RGS6: variants seen among roughly 807,000 people sequenced by gnomAD.
RGS6 encodes regulator of G protein signaling 6.
A neutral mutation model predicts 78.5 loss-of-function variants in RGS6; 30 were observed. The ratio of observed to expected loss-of-function variants is 0.38; its 90% CI spans 0.29 to 0.52. RGS6 has a LOEUF of 0.52. Ranked by LOEUF, RGS6 falls within the 20% of genes least tolerant of loss-of-function variation. The pLI, the probability that RGS6 is intolerant of heterozygous loss-of-function variation, is 0.85. For synonymous variants in RGS6, 206 were observed against 206.0 expected, an observed-to-expected ratio of 1.00 and a Z score of 0.00; for missense variants, 495 against 609.7, an observed-to-expected ratio of 0.81 and a Z score of 1.98.
chr14:72,198,008 T>A lies in RGS6; in HGVS notation c.85-154087T>A, dbSNP rs550586342. On this transcript the variant is annotated intron_variant, in intron 2 of 17. Coordinates refer to ENST00000553525, the MANE Select transcript of RGS6 (RefSeq NM_001204424.2). ...TTAATTGCTTCCTGACTTATCTCAGTCCTCTTCAGTATAATTTAGTCTCCA... is the reference window on the plus strand; with the variant it reads ...TTAATTGCTTCCTGACTTATCTCAGACCTCTTCAGTATAATTTAGTCTCCA... Among the ~76,000 whole-genome samples, 184 of 152,326 alleles carry A rather than the reference T, an allele frequency of 1.2e-3. 1 individual carries two copies. The highest frequency in any genetic ancestry group is 4.1e-3 in the African/African-American group (172 of 41,574).
rs189067763 is a variant in RGS6, at chr14:72,241,046, A to G, written c.85-111049A>G. Among the ~76,000 whole-genome samples the G allele has an allele frequency of 3.6e-3, 551 of 151,480 alleles. 2 individuals carry two copies. Among genetic ancestry groups the G allele is most frequent in the African/African-American group, 0.013 (526 of 41,244 alleles). On this transcript the variant is annotated intron_variant, in intron 2 of 17. Transcript: ENST00000553525. ...GTGGCATGCACCTGTAATCCCAGAT[A>G]CTCGGGAGACTGAGGCAGGAGAATT...
intron 2 of RGS6, among the ~76,000 whole-genome samples, chr14:72,303,733 TTG>T (rs574660386): frequency 2.0e-5 from 3 of 152,314 alleles, no homozygotes; most frequent in South Asian, 4.1e-4. Flanking sequence ...TTGTTTTGTG[TTG>T]TGTGTTTCAG....
In RGS6 at chr14:72,465,622, G is replaced by GTGGA. The variant is rs551039934; in HGVS notation, c.395-100_395-97dup. 0.4 allele frequency: 140,703 copies of GTGGA among 351,946 alleles called. 27,711 individuals carry two copies. Among genetic ancestry groups the GTGGA allele is most frequent in the East Asian group, 0.64 (12,372 of 19,210 alleles). The allele number at this position is 351,946 out of a possible 1,614,324, so 21.8% of individuals were successfully genotyped here. A position where few individuals can be genotyped will look rare whatever the true frequency, so the allele number is the denominator to read the frequency against. On this transcript the variant is annotated intron_variant, in intron 6 of 17. Coordinates refer to ENST00000553525, the MANE Select transcript of RGS6 (RefSeq NM_001204424.2). ...GATGGTTGGGTGGATGGGTGGATGG[G>GTGGA]TGGATGGATGGATGGATGGATGGAT...
rs113246438 is a variant in RGS6, at chr14:72,438,848, T to C, written c.185-15680T>C. Among the ~76,000 whole-genome samples, 481 of 152,324 alleles carry C rather than the reference T, an allele frequency of 3.2e-3. 5 individuals are homozygous for C. Among genetic ancestry groups the C allele is most frequent in the African/African-American group, 0.011 (469 of 41,558 alleles). On this transcript the variant is annotated intron_variant, in intron 3 of 17. Coordinates refer to ENST00000553525, the MANE Select transcript of RGS6 (RefSeq NM_001204424.2). ...GCCTTCCAGGACTTTCTATTTCTTT[T>C]AAAACCTGACACAGCCCCTGCCTTC...
In RGS6 at chr14:72,297,613, C is replaced by A. The variant is rs377618417; in HGVS notation, c.85-54482C>A. ...CCACAGTCCCCAGAGTGTGGTATTC[C>A]CCTTCATGTGTCCAGGTGATCTCAT... On this transcript the variant is annotated intron_variant, in intron 2 of 17. Transcript: ENST00000553525. Among the ~76,000 whole-genome samples, 17 of 134,132 alleles carry A rather than the reference C, an allele frequency of 1.3e-4. No homozygotes were observed. The East Asian group carries it at 1.6e-3, about 12-fold the overall frequency. The allele number at this position is 134,132 out of a possible 152,430, so 88.0% of individuals were successfully genotyped here.
At chr14:72,470,821 GTGAGC>G (rs1333942655) in intron 8 of RGS6, among the ~76,000 whole-genome samples, 2 of 150,224 alleles carry the variant, frequency 1.3e-5, no homozygotes, top group Non-Finnish European at 2.9e-5. Flanking sequence ...GGAGGTTGCA[GTGAGC>G]TGAGATCGTG....
At chr14:72,350,622 G>C (rs775455940) in intron 2 of RGS6, among the ~76,000 whole-genome samples, 9 of 152,154 alleles carry the variant, frequency 5.9e-5, no homozygotes, top group Non-Finnish European at 1.3e-4. Flanking sequence ...ACATTGACCA[G>C]CAACATGCAA....
At chr14:72,092,457 C>A (rs1258147964) in intron 2 of RGS6, among the ~76,000 whole-genome samples, 1 of 152,172 alleles carries the variant, frequency 6.6e-6, no homozygotes, top group African/African-American at 2.4e-5. Flanking sequence ...TCTCAGCTCA[C>A]TGCAACCTCC....
chr14:72,547,479 A>G (rs1026120960), intron 17 of RGS6: 3 of 701,588 alleles, frequency 4.3e-6, no homozygotes, highest in African/African-American at 1.8e-5. Context: ...GTTTGAGTTG[A>G]GTTAGGAAAG....
intron 3 of RGS6, among the ~76,000 whole-genome samples, chr14:72,358,187 C>T (rs2080746443): frequency 6.6e-6 from 1 of 152,210 alleles, no homozygotes; most frequent in South Asian, 2.1e-4. Context: ...GATGTCCAGG[C>T]AGAGGTGTGC....
At chr14:71,988,671 C>T (rs1390936091) in intron 2 of RGS6, among the ~76,000 whole-genome samples, 3 of 152,092 alleles carry the variant, frequency 2.0e-5, no homozygotes, top group Non-Finnish European at 2.9e-5. Context: ...AAGTTTGCAG[C>T]TTCTGTTTTC....
At chr14:72,541,036 CAAGA>C in intron 17 of RGS6, 1 of 1,317,286 alleles carries the variant, frequency 7.6e-7, no homozygotes, top group East Asian at 4.9e-5. Context: ...GCTCAGTGCA[CAAGA>C]AATACTCAAT....
At chr14:71,986,644 A>C (rs1209165616) in intron 2 of RGS6, among the ~76,000 whole-genome samples, 1 of 152,170 alleles carries the variant, frequency 6.6e-6, no homozygotes, top group Non-Finnish European at 1.5e-5. Flanking sequence ...TGGGGAGCTC[A>C]AGGCTGCAGT....
At chr14:71,912,926 T>A in the RGS6 span, among the ~76,000 whole-genome samples, 2 of 151,948 alleles carry the variant, frequency 1.3e-5, no homozygotes, top group Admixed American at 6.6e-5. Context: ...CCCGGGTTCA[T>A]GCCATTCTCC....
chr14:72,442,776 T>C (rs997599205), intron 3 of RGS6, among the ~76,000 whole-genome samples: 1 of 152,166 alleles, frequency 6.6e-6, no homozygotes, highest in East Asian at 1.9e-4. Flanking sequence ...CCTGGATTCA[T>C]ACCCAAGCCG....
chr14:72,378,728 T>C (rs1314857215), intron 3 of RGS6, among the ~76,000 whole-genome samples: 2 of 152,092 alleles, frequency 1.3e-5, no homozygotes, highest in Non-Finnish European at 2.9e-5. Context: ...AAGCCCAGAA[T>C]TGGATGGCTT....
At chr14:71,887,560 G>A in the RGS6 span, among the ~76,000 whole-genome samples, 3 of 152,150 alleles carry the variant, frequency 2.0e-5, no homozygotes, top group Non-Finnish European at 4.4e-5. Context: ...CTCTGGGAAT[G>A]TCTGTTTTAT....
intron 2 of RGS6, among the ~76,000 whole-genome samples, chr14:72,095,811 G>T (rs932103322): frequency 2.0e-5 from 3 of 152,206 alleles, no homozygotes; most frequent in Non-Finnish European, 2.9e-5. Context: ...TCATGCAAAT[G>T]CCATAATTGA....
intron 2 of RGS6, among the ~76,000 whole-genome samples, chr14:72,205,454 CTCTT>C (rs1355402845): frequency 6.6e-6 from 1 of 152,172 alleles, no homozygotes; most frequent in Non-Finnish European, 1.5e-5. Flanking sequence ...ATGGTAGTAT[CTCTT>C]TCCATCCTTG....
Sources: allele counts gnomAD v4.1 joint callset (sites outside exome capture counted in the v4.1 genomes callset), GRCh38; gene constraint gnomAD v4.1.1; transcripts MANE v1.5; gene names NCBI Gene and HGNC (gene_info 2026-07-23, HGNC 2026-07-21).